The following ZC3H11A variants were observed in gnomAD, a reference collection of about 807,000 sequenced individuals.
ZC3H11A encodes the protein zinc finger CCCH domain-containing protein 11A.
ZC3H11A carries 22 observed loss-of-function variants against 90.8 expected under a neutral mutation model. The ratio of observed to expected loss-of-function variants is 0.24; its 90% CI spans 0.17 to 0.35. ZC3H11A has a LOEUF of 0.35. ZC3H11A is among the 10% of genes least tolerant of loss of function. The pLI, the probability that ZC3H11A is intolerant of heterozygous loss-of-function variation, is 1.00. For synonymous variants in ZC3H11A, 294 were observed against 339.8 expected, an observed-to-expected ratio of 0.87 and a Z score of 1.48; for missense variants, 701 against 964.9, an observed-to-expected ratio of 0.73 and a Z score of 3.62.
intron 1 of ZC3H11A, chr1:203,797,076 T>A (rs1668770733): frequency 6.5e-6 from 1 of 153,578 alleles, no homozygotes; most frequent in South Asian, 2.1e-4. Context: ...GGGAAATTGA[T>A]GTCGCTATCA....
intron 2 of ZC3H11A, among the ~76,000 whole-genome samples, chr1:203,805,396 G>T (rs1671981201): frequency 6.6e-6 from 1 of 152,114 alleles, no homozygotes; most frequent in South Asian, 2.1e-4. Context: ...CTTTCAAAGT[G>T]CTGGGATTAC....
intron 2 of ZC3H11A, among the ~76,000 whole-genome samples, chr1:203,808,969 T>C (rs1370927152): frequency 1.3e-5 from 2 of 149,606 alleles, no homozygotes; most frequent in Non-Finnish European, 3.0e-5. Context: ...TAGCTGGGAT[T>C]ACAGGCATTC....
At chr1:203,844,437 G>A (rs1687331874) in intron 12 of ZC3H11A, among the ~76,000 whole-genome samples, 1 of 152,212 alleles carries the variant, frequency 6.6e-6, no homozygotes, top group Non-Finnish European at 1.5e-5. Flanking sequence ...CCAAAGTGCT[G>A]GGATTACAGG....
Position 203,818,709 on chromosome 1 carries a change from TATC to T in ZC3H11A, c.174+23_174+25del, listed in dbSNP as rs1180611393. On this transcript the variant is annotated intron_variant, in intron 4 of 17. Coordinates refer to ENST00000367210, the MANE Select transcript of ZC3H11A (RefSeq NM_001376342.1). ...ATTGATGTAAGTTTTTTATTTCCGT[TATC>T]ATAATAAGTAGTCTGGAGACCTGGT... The T allele has an allele frequency of 1.9e-6, 3 of 1,613,924 alleles. No homozygotes were observed. The highest frequency in any genetic ancestry group is 1.7e-5 in the Admixed American group (1 of 60,004).
intron 12 of ZC3H11A, among the ~76,000 whole-genome samples, chr1:203,840,924 G>T (rs1025808954): frequency 1.3e-5 from 2 of 151,996 alleles, no homozygotes; most frequent in Non-Finnish European, 2.9e-5. Flanking sequence ...ACGAGCCACC[G>T]CACCCGGCTA....
At chr1:203,825,897 C>T (rs931507858) in intron 4 of ZC3H11A, among the ~76,000 whole-genome samples, 1 of 151,932 alleles carries the variant, frequency 6.6e-6, no homozygotes, top group Non-Finnish European at 1.5e-5. Context: ...AAGTTGTCTT[C>T]GTTGCACATA....
At chr1:203,841,157 A>AT (rs76329142) in intron 12 of ZC3H11A, among the ~76,000 whole-genome samples, 22,931 of 110,198 alleles carry the variant, frequency 0.21, 1,821 homozygotes, top group African/African-American at 0.23. Flanking sequence ...TTTTTTTTTT[A>AT]TTTTTTTTTT....
chr1:203,801,327 T>C (rs1232033587), intron 1 of ZC3H11A: 1 of 152,192 alleles, frequency 6.6e-6, no homozygotes, highest in Non-Finnish European at 1.5e-5. Flanking sequence ...CATTATACTG[T>C]ATTAACTGTG....
intron 12 of ZC3H11A, among the ~76,000 whole-genome samples, chr1:203,842,074 G>C (rs1385573739): frequency 1.3e-5 from 2 of 151,424 alleles, no homozygotes; most frequent in East Asian, 2.0e-4. Flanking sequence ...TCACTTCCTA[G>C]ACGGGATGGC....
At chr1:203,841,837 C>T (rs1451759935) in intron 12 of ZC3H11A, among the ~76,000 whole-genome samples, 21 of 143,996 alleles carry the variant, frequency 1.5e-4, no homozygotes, top group Admixed American at 3.4e-4. Context: ...CTCCTCACTT[C>T]GCAGACGGGG....
chr1:203,848,522 T>TAA, intron 14 of ZC3H11A, 115 bp downstream of exon 14: 2 of 716,914 alleles, frequency 2.8e-6, no homozygotes, highest in African/African-American at 3.7e-5. Context: ...GTAAACAGTC[T>TAA]TTCTTTTTAC....
intron 12 of ZC3H11A, among the ~76,000 whole-genome samples, chr1:203,842,643 A>C (rs1316830653): frequency 7.0e-6 from 1 of 143,282 alleles, no homozygotes; most frequent in Non-Finnish European, 1.5e-5. Context: ...TTTTTTTTTA[A>C]GTTTATTTTC....
chr1:203,842,078 G>C (rs1572305232), intron 12 of ZC3H11A, among the ~76,000 whole-genome samples: 1 of 151,626 alleles, frequency 6.6e-6, no homozygotes, highest in East Asian at 1.9e-4. Flanking sequence ...TTCCTAGACG[G>C]GATGGCGGCT....
At chr1:203,850,166 T>C in intron 15 of ZC3H11A, 140 bp downstream of exon 15, 1 of 756,654 alleles carries the variant, frequency 1.3e-6, no homozygotes, top group Non-Finnish European at 2.2e-6. Flanking sequence ...ATATTTCTGA[T>C]ATTTTTATAC....
At chr1:203,840,205 C>A (rs1685667662) in intron 11 of ZC3H11A, 101 bp from the exon 12 acceptor site, 1 of 1,162,414 alleles carries the variant, frequency 8.6e-7, no homozygotes, top group Non-Finnish European at 1.2e-6. Context: ...TCCCAAAGTT[C>A]TGGGATTACA....
intron 12 of ZC3H11A, among the ~76,000 whole-genome samples, chr1:203,841,088 A>G (rs1685984369): frequency 6.6e-6 from 1 of 152,044 alleles, no homozygotes; most frequent in Non-Finnish European, 1.5e-5. Context: ...GTGAAGAAAG[A>G]TAACAGAGAG....
rs1302920931 is a variant in ZC3H11A at position 203,802,238 on chromosome 1, A to G, written c.-924A>G. On this transcript the variant is annotated 5_prime_UTR_variant, in exon 2 of 18. Transcript: ENST00000367210. Reference sequence around the variant, plus strand: ...ACATACATCCATATTATACATAATGATATATGTGTAAGGATTTACCTTCGT... The same window carrying G: ...ACATACATCCATATTATACATAATGGTATATGTGTAAGGATTTACCTTCGT... 6.6e-6 allele frequency: 1 copy of G among 152,570 alleles called. No individual in the cohort carries two copies. Among genetic ancestry groups the G allele is most frequent in the East Asian group, 1.9e-4 (1 of 5,200 alleles). 9.5% of individuals were successfully genotyped at this position (152,570 alleles called of 1,614,324 possible). A position where few individuals can be genotyped will look rare whatever the true frequency, so the allele number is the denominator to read the frequency against.
chr1:203,843,137 G>T (rs920628158), intron 12 of ZC3H11A, among the ~76,000 whole-genome samples: 4 of 152,110 alleles, frequency 2.6e-5, no homozygotes, highest in Non-Finnish European at 4.4e-5. Flanking sequence ...ATTATTCAGA[G>T]ATTTCTAGGG....
At chr1:203,836,690 C>T (rs920751847) in intron 10 of ZC3H11A, among the ~76,000 whole-genome samples, 3 of 152,174 alleles carry the variant, frequency 2.0e-5, no homozygotes, top group Admixed American at 6.5e-5. Flanking sequence ...GTAGGAGAAT[C>T]GCTTGAACCC....
Sources: allele counts gnomAD v4.1 joint callset (sites outside exome capture counted in the v4.1 genomes callset), GRCh38; gene constraint gnomAD v4.1.1; transcripts MANE v1.5; gene names NCBI Gene and HGNC (gene_info 2026-07-23, HGNC 2026-07-21).